The following STX7 variants were observed in gnomAD, a reference collection of about 807,000 sequenced individuals.
The protein encoded by STX7 is syntaxin-7.
STX7 carries 34 observed loss-of-function variants against 39.6 expected under a neutral mutation model. That is an observed-to-expected ratio of 0.86 (90% CI 0.65 to 1.14). The LOEUF (loss-of-function observed/expected upper bound fraction) is 1.14. Ranked by LOEUF, STX7 falls within the 50% of genes most tolerant of loss-of-function variation. The pLI is 0.00. For missense variants in STX7, 284 were observed against 310.4 expected (o/e 0.92, Z 0.64); for synonymous variants, 119 against 99.1 (o/e 1.20, Z -1.19).
At chr6:132,474,462 A>T (rs996483970) in intron 3 of STX7, among the ~76,000 whole-genome samples, 3 of 152,168 alleles carry the variant, frequency 2.0e-5, no homozygotes, top group Non-Finnish European at 2.9e-5. Context: ...AGTCCTTCAA[A>T]TTGTACTTCC....
In STX7 at chr6:132,457,841, A is replaced by G. The variant is rs1380950669; in HGVS notation, c.*2917T>C. ...CAGCCATGTGAAAGAAATAAATTCA[A>G]TTTTGACTTTCAAAAAAAATAAATG... On this transcript the variant is annotated 3_prime_UTR_variant, in exon 10 of 10. Transcript: ENST00000367941. 6 of 152,216 alleles carry G rather than the reference A, an allele frequency of 3.9e-5. No individual in the cohort carries two copies. The East Asian group carries it at 1.2e-3, about 29-fold the overall frequency. The allele number at this position is 152,216 out of a possible 1,614,324, so 9.4% of individuals were successfully genotyped here. A position where few individuals can be genotyped will look rare whatever the true frequency, so the allele number is the denominator to read the frequency against.
At chr6:132,494,428 T>C (rs1269108775) in intron 2 of STX7, among the ~76,000 whole-genome samples, 1 of 151,898 alleles carries the variant, frequency 6.6e-6, no homozygotes, top group African/African-American at 2.4e-5. Flanking sequence ...AAAGGCAATA[T>C]AAAAACAAAA....
intron 8 of STX7, among the ~76,000 whole-genome samples, chr6:132,464,729 G>A (rs1432727432): frequency 1.3e-5 from 2 of 152,156 alleles, no homozygotes; most frequent in African/African-American, 4.8e-5. Context: ...TCAGTAGCAA[G>A]CATGTGACAA....
At position 132,455,298 on chromosome 6, in the gene STX7, G is replaced by T. The variant is rs1774219339; in HGVS notation, c.*5460C>A. 2 of 152,164 alleles carry T rather than the reference G, an allele frequency of 1.3e-5. No homozygotes were observed. Among genetic ancestry groups the T allele is most frequent in the Admixed American group, 1.3e-4 (2 of 15,270 alleles). 9.4% of individuals were successfully genotyped at this position (152,164 alleles called of 1,614,324 possible). A position where few individuals can be genotyped will look rare whatever the true frequency, so the allele number is the denominator to read the frequency against. ...AAACTTTCAGAGGGCATTAAAAAGT[G>T]AAACTAGGTATCAGAAAAATCTTAG... On this transcript the variant is annotated 3_prime_UTR_variant, in exon 10 of 10. Transcript: ENST00000367941.
chr6:132,476,079 A>C (rs552065522), intron 2 of STX7, among the ~76,000 whole-genome samples: 1 of 152,330 alleles, frequency 6.6e-6, no homozygotes, highest in East Asian at 1.9e-4. Context: ...GAATTACAAA[A>C]AATCATTTTT....
intron 2 of STX7, among the ~76,000 whole-genome samples, chr6:132,496,051 C>T (rs548935935): frequency 1.3e-5 from 2 of 152,220 alleles, no homozygotes; most frequent in East Asian, 1.9e-4. Context: ...TAAAAGCTTA[C>T]GTTCATACTT....
intron 2 of STX7, among the ~76,000 whole-genome samples, chr6:132,485,790 T>C (rs1310182235): frequency 6.6e-6 from 1 of 152,220 alleles, no homozygotes; most frequent in Non-Finnish European, 1.5e-5. Flanking sequence ...CTATTTGTCA[T>C]CTGTATATCT....
intron 8 of STX7, among the ~76,000 whole-genome samples, chr6:132,466,797 T>C (rs570863302): frequency 1.1e-4 from 16 of 152,294 alleles, no homozygotes; most frequent in African/African-American, 3.6e-4. Context: ...TTTATACCCA[T>C]CTAAGCCTGC....
chr6:132,501,445 C>T (rs982701632), intron 2 of STX7, among the ~76,000 whole-genome samples: 7 of 152,136 alleles, frequency 4.6e-5, no homozygotes, highest in Middle Eastern at 3.2e-3. Flanking sequence ...CGGATGTACT[C>T]GCACACTTAG....
intron 2 of STX7, among the ~76,000 whole-genome samples, chr6:132,476,075 C>CA (rs1211487353): frequency 6.6e-6 from 1 of 151,928 alleles, no homozygotes; most frequent in East Asian, 1.9e-4. Flanking sequence ...AATAGAATTA[C>CA]AAAAAATCAT....
chr6:132,487,883 T>C (rs1366470161), intron 2 of STX7, among the ~76,000 whole-genome samples: 2 of 152,088 alleles, frequency 1.3e-5, no homozygotes, highest in Admixed American at 1.3e-4. Flanking sequence ...GTTTCATTGA[T>C]TTTTTTTCTC....
chr6:132,502,861 T>G (rs1371475906), intron 2 of STX7, among the ~76,000 whole-genome samples: 2 of 151,820 alleles, frequency 1.3e-5, no homozygotes, highest in Non-Finnish European at 2.9e-5. Context: ...ATCGTACCAC[T>G]GCACTCCAGC....
chr6:132,469,850 A>C (rs1422147438), intron 7 of STX7, 101 bp downstream of exon 7: 12 of 998,396 alleles, frequency 1.2e-5, no homozygotes, highest in Admixed American at 3.3e-5. Context: ...AAGAAAACAA[A>C]ATTTTTCTGT....
intron 2 of STX7, among the ~76,000 whole-genome samples, chr6:132,489,950 C>T (rs1253857983): frequency 6.6e-6 from 1 of 152,226 alleles, no homozygotes; most frequent in African/African-American, 2.4e-5. Context: ...AACAAGTCAT[C>T]TAAAATTGTA....
chr6:132,460,591 T>C lies in STX7; in HGVS notation c.*167A>G, dbSNP rs147766506. ...GAAAATCTTTCAGTATTAGAAAATA[T>C]CAGATTTAATCCAAAGGAACCACCC... On this transcript the variant is annotated 3_prime_UTR_variant, in exon 10 of 10. Transcript: ENST00000367941. 7.9e-4 allele frequency: 368 copies of C among 463,152 alleles called. No individual in the cohort carries two copies. In the East Asian group the frequency reaches 0.012, roughly 15 times the overall value. The allele number at this position is 463,152 out of a possible 1,614,324, so 28.7% of individuals were successfully genotyped here.
At chr6:132,471,660 C>A in intron 4 of STX7, 60 bp from the exon 5 acceptor site, 2 of 1,585,068 alleles carry the variant, frequency 1.3e-6, no homozygotes, top group Non-Finnish European at 1.7e-6. Flanking sequence ...ACTGAATTTG[C>A]GGTAGTTGGC....
chr6:132,464,108 T>C (rs1412179442), intron 8 of STX7, 33 bp from the exon 9 acceptor site: 2 of 1,559,690 alleles, frequency 1.3e-6, no homozygotes, highest in South Asian at 2.2e-5. Flanking sequence ...ACAAATGTGT[T>C]AAACATGGAT....
chr6:132,491,575 CTATCT>C (rs1424702996), intron 2 of STX7, among the ~76,000 whole-genome samples: 1 of 152,122 alleles, frequency 6.6e-6, no homozygotes, highest in African/African-American at 2.4e-5. Flanking sequence ...AACATGACTC[CTATCT>C]TAATTTTTTT....
chr6:132,471,471 T>C lies in STX7; in HGVS notation c.379A>G (p.Arg127Gly), dbSNP rs1774718875. 1.2e-6 allele frequency: 2 copies of C among 1,613,736 alleles called. No individual in the cohort carries two copies. The highest frequency in any genetic ancestry group is 2.2e-5 in the South Asian group (2 of 91,018). The change falls in exon 5 of 10, where the codon AGA becomes GGA. Residue 127 changes from arginine (R) to glycine (G), a missense_variant. Physicochemically the swap from Arg to Gly is moderately radical, Grantham distance 125 (BLOSUM62 -2). Coordinates refer to ENST00000367941, the MANE Select transcript of STX7 (RefSeq NM_003569.3). ...TCTTTTAAAATACTTACAGACACTCTGGAACTGGCTCTTACTCGAGCAACA... is the reference window on the plus strand; with the variant it reads ...TCTTTTAAAATACTTACAGACACTCCGGAACTGGCTCTTACTCGAGCAACA... The part of the protein sequence containing the change: ...EFVARVRASS[R>G]VSGSFPEDSS...
Sources: allele counts gnomAD v4.1 joint callset (sites outside exome capture counted in the v4.1 genomes callset), GRCh38; gene constraint gnomAD v4.1.1; transcripts MANE v1.5; gene names NCBI Gene and HGNC (gene_info 2026-07-23, HGNC 2026-07-21).